The following RASGRP1 variants were observed in gnomAD, a reference collection of about 807,000 sequenced individuals.
The protein encoded by RASGRP1 is RAS guanyl-releasing protein 1.
A neutral mutation model predicts 95.1 loss-of-function variants in RASGRP1; 37 were observed. The observed-to-expected ratio is 0.39, with a 90% CI of 0.30 to 0.51. RASGRP1 has a LOEUF of 0.51. Among genes scored for constraint, RASGRP1 ranks in the 20% least tolerant of loss-of-function variants. The pLI is 0.80. For synonymous variants in RASGRP1, 325 were observed against 353.4 expected (o/e 0.92, Z 0.90); for missense variants, 711 against 965.4 (o/e 0.74, Z 3.49).
rs1462331575 is a variant in RASGRP1 at position 38,494,765 on chromosome 15, G to A, written c.1876C>T (p.Pro626Ser). Residue 626 changes from proline (P) to serine (S), a missense_variant and splice_region_variant, in exon 16 of 17, where the codon CCT becomes TCT. By Grantham distance (74) the Pro-to-Ser change is moderately conservative. Around this residue, in one of 3 missense-constraint regions of RASGRP1, gnomAD observed 212 missense variants for 247.8 expected, o/e 0.86. Coordinates refer to ENST00000310803, the MANE Select transcript of RASGRP1 (RefSeq NM_005739.4). ...SLGAKDLLHA[P>S]EEGPFTFPNG... is the part of the protein sequence containing the mutation. ...GGGAATGTAAAAGGTCCTTCCTCAG[G>A]TGCTGTAGGAAGATACAGGACATGC... The A allele has an allele frequency of 6.7e-7, 1 of 1,493,454 alleles. No homozygotes were observed. 92.5% of individuals were successfully genotyped at this position (1,493,454 alleles called of 1,614,324 possible). A position where few individuals can be genotyped will look rare whatever the true frequency, so the allele number is the denominator to read the frequency against.
At chr15:38,506,350 A>C (rs146943768) in intron 9 of RASGRP1, among the ~76,000 whole-genome samples, 2,345 of 152,298 alleles carry the variant, frequency 0.015, 35 homozygotes, top group Middle Eastern at 0.027. Flanking sequence ...AGAGTTAATG[A>C]GTCTGGGTGC....
chr15:38,516,463 T>G, intron 5 of RASGRP1, 113 bp from the exon 6 acceptor site: 2 of 1,323,810 alleles, frequency 1.5e-6, no homozygotes, highest in Non-Finnish European at 2.1e-6. Context: ...TTAGCTAACT[T>G]TCCTTGTGAA....
chr15:38,502,812 CTT>C lies in RASGRP1; in HGVS notation c.1429-393_1429-392del, dbSNP rs200862663. 1,233 of 234,810 alleles carry C rather than the reference CTT, an allele frequency of 5.3e-3. 20 individuals are homozygous for C. The highest frequency in any genetic ancestry group is 0.026 in the African/African-American group (1,160 of 44,088). 14.5% of individuals were successfully genotyped at this position (234,810 alleles called of 1,614,324 possible). A position where few individuals can be genotyped will look rare whatever the true frequency, so the allele number is the denominator to read the frequency against. On this transcript the variant is annotated intron_variant, in intron 11 of 16. Transcript: ENST00000310803. ...GTGCTCTGTCCCCACTGTTAATCCT[CTT>C]GTTTCTCACCGTTACGCTCTTAGTT...
intron 2 of RASGRP1, among the ~76,000 whole-genome samples, chr15:38,529,881 A>T (rs1433556063): frequency 6.6e-6 from 1 of 152,236 alleles, no homozygotes; most frequent in African/African-American, 2.4e-5. Context: ...AGTTTGCAAA[A>T]GAAATTCAAA....
rs34032922 is a variant in RASGRP1 at position 38,515,887 on chromosome 15, CAGAGAGAG to C, written c.675+302_675+309del. 4.1e-4 allele frequency among the ~76,000 whole-genome samples: 58 copies of C among 140,984 alleles called. 2 individuals carry two copies. The South Asian group carries it at 0.011, about 27-fold the overall frequency. The allele number at this position is 140,984 out of a possible 152,430, so 92.5% of individuals were successfully genotyped here. On this transcript the variant is annotated intron_variant, in intron 6 of 16. Transcript: ENST00000310803. Reference sequence around the variant, plus strand: ...GGGTATGAGGGTAGAATGAGAGAGACAGAGAGAGAGAGAGAGAGAGAGAGTGTGTGTGT... The same window carrying C: ...GGGTATGAGGGTAGAATGAGAGAGACAGAGAGAGAGAGAGAGTGTGTGTGT...
At chr15:38,516,421 T>G (rs1055274104) in intron 5 of RASGRP1, 71 bp from the exon 6 acceptor site, 38 of 1,506,920 alleles carry the variant, frequency 2.5e-5, no homozygotes, top group Non-Finnish European at 3.5e-5. Flanking sequence ...GTAAATCCAT[T>G]AACATTTCTC....
chr15:38,517,222 G>T (rs947448365), intron 5 of RASGRP1, among the ~76,000 whole-genome samples: 2 of 152,108 alleles, frequency 1.3e-5, no homozygotes, highest in Non-Finnish European at 2.9e-5. Context: ...GTTATATCTG[G>T]CCAAGTAATA....
intron 4 of RASGRP1, 148 bp downstream of exon 4, chr15:38,519,161 C>A: frequency 4.1e-6 from 2 of 489,156 alleles, no homozygotes; most frequent in East Asian, 3.2e-5. Context: ...TCAAGTACAC[C>A]AGAGAAAATT....
chr15:38,511,795 T>A, intron 7 of RASGRP1, 75 bp from the exon 8 acceptor site: 1 of 1,121,736 alleles, frequency 8.9e-7, no homozygotes, highest in Non-Finnish European at 1.3e-6. Context: ...GGCTGCCTCT[T>A]GTCTCTGTGC....
chr15:38,538,964 C>G (rs1035652110), intron 2 of RASGRP1, among the ~76,000 whole-genome samples: 1 of 152,266 alleles, frequency 6.6e-6, no homozygotes, highest in East Asian at 1.9e-4. Flanking sequence ...TACTAATAAC[C>G]TCTATTTATT....
At chr15:38,501,995 C>T (rs1891047801) in intron 12 of RASGRP1, among the ~76,000 whole-genome samples, 1 of 151,940 alleles carries the variant, frequency 6.6e-6, no homozygotes, top group Admixed American at 6.6e-5. Context: ...GCTGGGATTA[C>T]AGGTGCCCAC....
At chr15:38,546,011 A>T (rs1231903055) in intron 2 of RASGRP1, among the ~76,000 whole-genome samples, 1 of 152,162 alleles carries the variant, frequency 6.6e-6, no homozygotes, top group African/African-American at 2.4e-5. Context: ...TTATGACACC[A>T]TCCTGGTAAT....
chr15:38,505,986 T>G, intron 9 of RASGRP1, 66 bp from the exon 10 acceptor site: 1 of 1,300,118 alleles, frequency 7.7e-7, no homozygotes, highest in South Asian at 1.3e-5. Context: ...AGCTGATGGT[T>G]CTTTCTTGGA....
At chr15:38,543,345 G>A (rs894106077) in intron 2 of RASGRP1, among the ~76,000 whole-genome samples, 8 of 152,128 alleles carry the variant, frequency 5.3e-5, no homozygotes, top group South Asian at 2.1e-4. Context: ...TCAACTGACC[G>A]TATATGTAGA....
chr15:38,505,937 A>G lies in RASGRP1; in HGVS notation c.1243-17T>C. 2 of 1,582,154 alleles carry G rather than the reference A, an allele frequency of 1.3e-6. No individual in the cohort carries two copies. Among genetic ancestry groups the G allele is most frequent in the Non-Finnish European group, 1.7e-6 (2 of 1,155,600 alleles). On this transcript the variant is annotated splice_polypyrimidine_tract_variant and intron_variant, in intron 9 of 16. Coordinates refer to ENST00000310803, the MANE Select transcript of RASGRP1 (RefSeq NM_005739.4). Reference sequence around the variant, plus strand: ...CAGGGATAACTGCAGATCAAAGCAGAACAGGGTTCATTGCTAAGATGCTGT... The same window carrying G: ...CAGGGATAACTGCAGATCAAAGCAGGACAGGGTTCATTGCTAAGATGCTGT...
intron 7 of RASGRP1, among the ~76,000 whole-genome samples, 187 bp from the exon 8 acceptor site, chr15:38,511,907 T>C (rs1262948048): frequency 6.6e-6 from 1 of 152,206 alleles, no homozygotes; most frequent in African/African-American, 2.4e-5. Flanking sequence ...ATTCCACATC[T>C]GGGAGGCATT....
chr15:38,563,156 C>T (rs1893882428), intron 1 of RASGRP1, among the ~76,000 whole-genome samples: 1 of 152,166 alleles, frequency 6.6e-6, no homozygotes, highest in Non-Finnish European at 1.5e-5. Flanking sequence ...GTGAAAAATC[C>T]TCAAATCGTT....
At chr15:38,530,307 G>A (rs535162703) in intron 2 of RASGRP1, among the ~76,000 whole-genome samples, 2 of 152,302 alleles carry the variant, frequency 1.3e-5, no homozygotes, top group African/African-American at 4.8e-5. Flanking sequence ...TTTGGAGCTG[G>A]CGTGCTGTTT....
intron 2 of RASGRP1, among the ~76,000 whole-genome samples, chr15:38,532,974 G>GT: frequency 6.6e-6 from 1 of 152,092 alleles, no homozygotes; most frequent in African/African-American, 2.4e-5. Flanking sequence ...CTACAGTGAA[G>GT]GCTTGTCTGG....
Sources: gnomAD v4.1 joint callset for allele counts (sites outside exome capture counted in the v4.1 genomes callset) on GRCh38, gnomAD v4.1.1 for gene constraint, gnomAD v4.1.1 regional missense constraint, MANE v1.5 for transcripts, NCBI Gene and HGNC (gene_info 2026-07-23, HGNC 2026-07-21) for gene names.